The following CADM2 variants were observed in gnomAD, a reference collection of about 807,000 sequenced individuals.
CADM2 encodes cell adhesion molecule 2, also known as immunoglobulin superfamily member 4D.
A neutral mutation model predicts 49.8 loss-of-function variants in CADM2; 12 were observed. The ratio of observed to expected loss-of-function variants is 0.24; its 90% confidence interval spans 0.15 to 0.39. The LOEUF (loss-of-function observed/expected upper bound fraction) is 0.39, where lower values mean the gene tolerates loss of function less well. Among genes scored for constraint, CADM2 ranks in the 10% least tolerant of loss-of-function variants. The pLI is 1.00. For missense variants in CADM2, 378 were observed against 492.3 expected (o/e 0.77, Z 2.20); for synonymous variants, 214 against 175.4 (o/e 1.22, Z -1.74).
chr3:85,478,395 T>C (rs779281022), intron 1 of CADM2, among the ~76,000 whole-genome samples: 4 of 151,968 alleles, frequency 2.6e-5, no homozygotes, highest in Non-Finnish European at 4.4e-5. Flanking sequence ...TTTTTAAATA[T>C]TTGAGTAATC....
intron 1 of CADM2, among the ~76,000 whole-genome samples, chr3:85,148,648 A>C (rs2107641813): frequency 6.6e-6 from 1 of 152,268 alleles, no homozygotes; most frequent in East Asian, 1.9e-4. Flanking sequence ...CTTTTGACTC[A>C]CCCAAAGCTT....
chr3:85,638,600 G>C (rs571573078), intron 1 of CADM2, among the ~76,000 whole-genome samples: 2 of 152,014 alleles, frequency 1.3e-5, no homozygotes, highest in East Asian at 3.9e-4. Context: ...CATTTTTACT[G>C]TAAATATTTT....
intron 1 of CADM2, among the ~76,000 whole-genome samples, chr3:85,287,700 T>G (rs2043669570): frequency 6.6e-6 from 1 of 152,184 alleles, no homozygotes; most frequent in South Asian, 2.1e-4. Context: ...TATTTCACTT[T>G]TAATGATTTT....
At chr3:85,977,828 C>G (rs188586144) in intron 8 of CADM2, among the ~76,000 whole-genome samples, 1 of 151,506 alleles carries the variant, frequency 6.6e-6, no homozygotes, top group African/African-American at 2.4e-5. Context: ...TTTTCCCTGT[C>G]GAAAAACAGG....
intron 8 of CADM2, among the ~76,000 whole-genome samples, chr3:86,056,125 C>G (rs1336825900): frequency 1.3e-5 from 2 of 152,150 alleles, no homozygotes; most frequent in South Asian, 2.1e-4. Context: ...CCTGTTATCA[C>G]ACAGGTAATC....
chr3:85,435,830 T>C (rs554059746), intron 1 of CADM2, among the ~76,000 whole-genome samples: 1 of 152,292 alleles, frequency 6.6e-6, no homozygotes, highest in East Asian at 1.9e-4. Context: ...GAGAAGTGCC[T>C]GTTCGCTTCT....
At chr3:85,331,843 G>A (rs2044939003) in intron 1 of CADM2, among the ~76,000 whole-genome samples, 1 of 151,950 alleles carries the variant, frequency 6.6e-6, no homozygotes, top group African/African-American at 2.4e-5. Context: ...CTTCTTTCTG[G>A]AAATACTGTC....
At chr3:85,945,366 C>A (rs1189076440) in intron 7 of CADM2, among the ~76,000 whole-genome samples, 1 of 152,134 alleles carries the variant, frequency 6.6e-6, no homozygotes, top group Admixed American at 6.6e-5. Context: ...GGAGCTGGTA[C>A]TATTCCTTCT....
At chr3:85,098,147 T>C (rs983806852) in intron 1 of CADM2, among the ~76,000 whole-genome samples, 1 of 151,992 alleles carries the variant, frequency 6.6e-6, no homozygotes, top group African/African-American at 2.4e-5. Context: ...GCATCTGTAG[T>C]GCATTCTGGC....
chr3:85,504,661 C>G (rs1434553237), intron 1 of CADM2, among the ~76,000 whole-genome samples: 4 of 152,220 alleles, frequency 2.6e-5, no homozygotes, highest in Non-Finnish European at 5.9e-5. Flanking sequence ...CTGCCAGTCC[C>G]GCGCCGTGCG....
At chr3:85,339,789 T>A (rs1298189205) in intron 1 of CADM2, among the ~76,000 whole-genome samples, 2 of 151,426 alleles carry the variant, frequency 1.3e-5, no homozygotes, top group African/African-American at 2.4e-5. Flanking sequence ...AAAGCAGAAA[T>A]GGTAAAGAAA....
intron 1 of CADM2, among the ~76,000 whole-genome samples, chr3:85,626,719 A>AT (rs1353953378): frequency 2.0e-5 from 3 of 152,012 alleles, no homozygotes; most frequent in African/African-American, 7.2e-5. Flanking sequence ...GAATATTCTT[A>AT]TTTTTTCCAA....
At chr3:85,758,885 G>A (rs1315985651) in intron 2 of CADM2, among the ~76,000 whole-genome samples, 1 of 151,954 alleles carries the variant, frequency 6.6e-6, no homozygotes, top group Non-Finnish European at 1.5e-5. Flanking sequence ...GAAAAATTAT[G>A]AATATAAATT....
intron 2 of CADM2, among the ~76,000 whole-genome samples, chr3:85,776,589 C>G (rs1361031545): frequency 6.6e-6 from 1 of 151,900 alleles, no homozygotes; most frequent in African/African-American, 2.4e-5. Flanking sequence ...TAGCTGTTTA[C>G]TTTTAGATGT....
intron 1 of CADM2, among the ~76,000 whole-genome samples, chr3:85,457,021 C>A (rs2038022242): frequency 6.6e-6 from 1 of 151,766 alleles, no homozygotes; most frequent in East Asian, 1.9e-4. Context: ...AGATACTTGA[C>A]AATTAAGATG....
At chr3:85,694,303 C>A (rs191067401) in intron 1 of CADM2, among the ~76,000 whole-genome samples, 13 of 152,266 alleles carry the variant, frequency 8.5e-5, no homozygotes, top group Non-Finnish European at 1.6e-4. Context: ...TAAATGAAAT[C>A]ATAAGGATGG....
At chr3:84,971,075 A>G (rs1356467384) in intron 1 of CADM2, among the ~76,000 whole-genome samples, 2 of 152,170 alleles carry the variant, frequency 1.3e-5, no homozygotes, top group South Asian at 4.1e-4. Context: ...GAAAAGCTAT[A>G]CCTTCATATT....
chr3:85,767,634 A>ACACC (rs1215925139), intron 2 of CADM2, among the ~76,000 whole-genome samples: 17 of 152,086 alleles, frequency 1.1e-4, no homozygotes, highest in Non-Finnish European at 4.4e-5. Flanking sequence ...TGCCACCTCC[A>ACACC]ACCACGACCT....
intron 1 of CADM2, among the ~76,000 whole-genome samples, chr3:85,028,558 A>C (rs1475777943): frequency 6.6e-6 from 1 of 152,162 alleles, no homozygotes; most frequent in Non-Finnish European, 1.5e-5. Flanking sequence ...CTTATTTCAA[A>C]ATTTCTGAAT....
Sources: allele counts gnomAD v4.1 joint callset (sites outside exome capture counted in the v4.1 genomes callset), GRCh38; gene constraint gnomAD v4.1.1; transcripts MANE v1.5; gene names NCBI Gene and HGNC (gene_info 2026-07-23, HGNC 2026-07-21).